CA6: variants seen among roughly 807,000 people sequenced by gnomAD.
The protein encoded by CA6 is carbonic anhydrase 6, also known as carbonate dehydratase VI.
In CA6, 28 loss-of-function variants were observed where a neutral mutation model predicts 35.9. That is an observed-to-expected ratio of 0.78 (90% confidence interval 0.58 to 1.07). The LOEUF is 1.07. CA6 is among the 50% of genes least tolerant of loss of function. CA6 has a pLI of 0.00. For synonymous variants in CA6, 148 were observed against 152.6 expected (o/e 0.97, Z 0.22); for missense variants, 377 against 382.0 (o/e 0.99, Z 0.11).
chr1:8,963,651 C>T lies in CA6; in HGVS notation c.571+995C>T, dbSNP rs1639899785. On this transcript the variant is annotated intron_variant, in intron 5 of 7. Transcript: ENST00000377443. This position sits in a 1 kb window ranked among gnomAD's most constrained non-coding sequence, Gnocchi z 4.1. ...CGACCTCTGGGACTCAGTTGATCCT[C>T]CCACCTCAGCCTCCTGAGTAGCTGG... Among the ~76,000 whole-genome samples the T allele has an allele frequency of 1.3e-5, 2 of 152,230 alleles. No homozygotes were observed. The highest frequency in any genetic ancestry group is 4.1e-4 in the South Asian group (2 of 4,820).
intron 2 of CA6, chr1:8,951,456 C>T (rs1250692500): frequency 2.6e-6 from 2 of 764,802 alleles, no homozygotes; most frequent in Non-Finnish European, 4.8e-6. Flanking sequence ...CCCTCCTTGT[C>T]CTCTCCTTGT....
intron 6 of CA6, among the ~76,000 whole-genome samples, chr1:8,968,337 T>G (rs1054459792): frequency 1.1e-4 from 17 of 152,022 alleles, no homozygotes; most frequent in Admixed American, 1.1e-3. Flanking sequence ...ACACTCACAC[T>G]CCAAAATGTT....
chr1:8,968,928 G>T (rs1640038892), intron 6 of CA6, among the ~76,000 whole-genome samples: 1 of 151,884 alleles, frequency 6.6e-6, no homozygotes. Context: ...TGAGGTGGAA[G>T]AATCACTTGA....
chr1:8,954,319 C>T (rs1639618177), intron 2 of CA6, among the ~76,000 whole-genome samples: 1 of 152,140 alleles, frequency 6.6e-6, no homozygotes, highest in Non-Finnish European at 1.5e-5. Context: ...CATGCACCAC[C>T]ATGCTCCATT....
intron 2 of CA6, 49 bp from the exon 3 acceptor site, chr1:8,957,088 C>A: frequency 6.6e-7 from 1 of 1,522,344 alleles, no homozygotes; most frequent in Middle Eastern, 1.8e-4. Flanking sequence ...GTAGGCCTGA[C>A]CCCTCTGTGT....
chr1:8,961,092 A>G (rs1431527080), intron 4 of CA6, among the ~76,000 whole-genome samples: 2 of 152,074 alleles, frequency 1.3e-5, no homozygotes, highest in Non-Finnish European at 2.9e-5. Flanking sequence ...CAAGAATTCT[A>G]TATCCAATAA....
Position 8,958,922 on chromosome 1 carries a change from C to A in CA6, c.421C>A (p.His141Asn), listed in dbSNP as rs149426347. ...CTTGCTCTTACAGATTCACATTGTTCACTACAATTCTAAATACAAGAGCTA... is the reference window on the plus strand; with the variant it reads ...CTTGCTCTTACAGATTCACATTGTTAACTACAATTCTAAATACAAGAGCTA... ...IRHVIEIHIVHYNSKYKSYDI... is the reference protein window; with the variant it reads ...IRHVIEIHIVNYNSKYKSYDI... Residue 141 changes from histidine to asparagine, a missense_variant, in exon 4 of 8, where the codon CAC becomes AAC. Coordinates refer to ENST00000377443, the MANE Select transcript of CA6 (RefSeq NM_001215.4). 4.6e-5 allele frequency: 74 copies of A among 1,602,146 alleles called. No homozygotes were observed. Among genetic ancestry groups the A allele is most frequent in the Non-Finnish European group, 5.8e-5 (68 of 1,169,734 alleles).
chr1:8,947,046 C>A (rs1043041864), intron 1 of CA6, among the ~76,000 whole-genome samples: 2 of 151,938 alleles, frequency 1.3e-5, no homozygotes, highest in African/African-American at 2.4e-5. Context: ...TCAAGTGATC[C>A]GCCCACCTTA....
At chr1:8,954,515 A>T (rs188580285) in intron 2 of CA6, among the ~76,000 whole-genome samples, 1 of 151,850 alleles carries the variant, frequency 6.6e-6, no homozygotes, top group Non-Finnish European at 1.5e-5. Flanking sequence ...CTGTGGACTC[A>T]CCCCAAATTC....
chr1:8,954,173 GTTT>G (rs34159260), intron 2 of CA6, among the ~76,000 whole-genome samples: 6 of 140,258 alleles, frequency 4.3e-5, no homozygotes, highest in Admixed American at 1.4e-4. Flanking sequence ...CACTACTTCC[GTTT>G]TTTTTTTTTT....
At chr1:8,974,455 A>G (rs1640214708) in intron 7 of CA6, 167 bp from the exon 8 acceptor site, 1 of 1,520,636 alleles carries the variant, frequency 6.6e-7, no homozygotes, top group Admixed American at 2.2e-5. Context: ...GTTCAAACAC[A>G]GTGAAGATGA....
chr1:8,970,756 C>T (rs754833712), intron 6 of CA6, 111 bp from the exon 7 acceptor site: 1 of 752,226 alleles, frequency 1.3e-6, no homozygotes. Flanking sequence ...CCGCCCCAGC[C>T]TCCCAAAATG....
At chr1:8,958,338 T>C (rs1639745889) in intron 3 of CA6, among the ~76,000 whole-genome samples, 2 of 152,174 alleles carry the variant, frequency 1.3e-5, no homozygotes, top group South Asian at 2.1e-4. Context: ...CGGCTAATTT[T>C]TGTACTTTTA....
At chr1:8,957,809 T>C (rs1003741905) in intron 3 of CA6, among the ~76,000 whole-genome samples, 21 of 135,068 alleles carry the variant, frequency 1.6e-4, no homozygotes, top group African/African-American at 6.5e-4. Context: ...AAAAAAAAAA[T>C]TAGCCAGGAG....
rs59987426 is a variant in CA6 at position 8,960,789 on chromosome 1, C to CACATAT, written c.501+1788_501+1789insCATATA. 2.1e-3 allele frequency among the ~76,000 whole-genome samples: 248 copies of CACATAT among 116,916 alleles called. 3 individuals carry two copies. The highest frequency in any genetic ancestry group is 7.9e-3 in the African/African-American group (237 of 29,982). The allele number at this position is 116,916 out of a possible 152,430, so 76.7% of individuals were successfully genotyped here. A position where few individuals can be genotyped will look rare whatever the true frequency, so the allele number is the denominator to read the frequency against. ...ACACACACACACACACACACACACACATATATATAATGGGAGTCCCAGAAG... is the reference window on the plus strand; with the variant it reads ...ACACACACACACACACACACACACACACATATATATATATAATGGGAGTCCCAGAAG... On this transcript the variant is annotated intron_variant, in intron 4 of 7. Coordinates refer to ENST00000377443, the MANE Select transcript of CA6 (RefSeq NM_001215.4).
intron 6 of CA6, among the ~76,000 whole-genome samples, chr1:8,969,159 C>CA (rs1318092915): frequency 6.6e-6 from 1 of 151,932 alleles, no homozygotes; most frequent in African/African-American, 2.4e-5. Flanking sequence ...ACTAAAGATA[C>CA]AAAAAATTAG....
At chr1:8,950,146 A>AT (rs34292063) in intron 2 of CA6, among the ~76,000 whole-genome samples, 15,588 of 151,330 alleles carry the variant, frequency 0.1, 1,850 homozygotes, top group African/African-American at 0.29. Context: ...TGCCCAGCTA[A>AT]TTTTTTTTGT....
chr1:8,966,664 A>ATGTTC (rs1284955155), intron 5 of CA6, among the ~76,000 whole-genome samples: 5 of 152,294 alleles, frequency 3.3e-5, no homozygotes, highest in Admixed American at 3.3e-4. Context: ...TATCAAAACT[A>ATGTTC]TGTTCTCTGC....
intron 7 of CA6, 46 bp from the exon 8 acceptor site, chr1:8,974,576 G>C: frequency 6.8e-7 from 1 of 1,463,842 alleles, no homozygotes; most frequent in Non-Finnish European, 9.5e-7. Context: ...TTTTTGTGAG[G>C]ACTGTACAAG....
Sources: gnomAD v4.1 joint callset for allele counts (sites outside exome capture counted in the v4.1 genomes callset) on GRCh38, gnomAD v4.1.1 for gene constraint, Gnocchi (gnomAD v3.1) non-coding constraint, MANE v1.5 for transcripts, NCBI Gene and HGNC (gene_info 2026-07-23, HGNC 2026-07-21) for gene names.